Variants in PACRG observed in about 807,000 individuals in gnomAD.
The protein encoded by PACRG is parkin coregulated gene protein.
Under a neutral mutation model 29.7 loss-of-function variants are expected in PACRG, and 29 were observed. The observed-to-expected ratio is 0.98, with a 90% CI of 0.73 to 1.33. PACRG has a LOEUF of 1.33. Among genes scored for constraint, PACRG ranks in the 40% most tolerant of loss-of-function variants. PACRG has a pLI of 0.00. For missense variants in PACRG, 279 were observed against 316.2 expected (o/e 0.88, Z 0.89); for synonymous variants, 116 against 118.7 (o/e 0.98, Z 0.15).
intron 2 of PACRG, among the ~76,000 whole-genome samples, chr6:163,017,916 G>A (rs1310311378): frequency 2.0e-5 from 3 of 151,806 alleles, no homozygotes; most frequent in Non-Finnish European, 2.9e-5. Context: ...ACTGTATTTA[G>A]TGTATGAGTA....
At chr6:163,194,236 T>C (rs976931799) in intron 4 of PACRG, among the ~76,000 whole-genome samples, 1 of 152,152 alleles carries the variant, frequency 6.6e-6, no homozygotes, top group African/African-American at 2.4e-5. Context: ...GACTCAGTGC[T>C]CCTTTCTACA....
At chr6:162,875,129 G>A (rs1793198269) in intron 2 of PACRG, among the ~76,000 whole-genome samples, 1 of 151,578 alleles carries the variant, frequency 6.6e-6, no homozygotes, top group Admixed American at 6.6e-5. Context: ...ACATAGTCAT[G>A]CACATTCACA....
At chr6:163,143,837 G>C (rs2128335430) in intron 4 of PACRG, among the ~76,000 whole-genome samples, 1 of 152,232 alleles carries the variant, frequency 6.6e-6, no homozygotes, top group East Asian at 1.9e-4. Context: ...TCCTGAGAGG[G>C]GACGGGGAGG....
chr6:163,286,757 C>T (rs577427407), intron 4 of PACRG, among the ~76,000 whole-genome samples: 2 of 152,132 alleles, frequency 1.3e-5, no homozygotes, highest in Non-Finnish European at 2.9e-5. Context: ...GAAAACTTTC[C>T]GCAACAGGTC....
At chr6:163,241,830 C>T (rs1218995676) in intron 4 of PACRG, among the ~76,000 whole-genome samples, 1 of 152,114 alleles carries the variant, frequency 6.6e-6, no homozygotes, top group South Asian at 2.1e-4. Context: ...AAAGGGGGGG[C>T]ACGGGCTGGG....
chr6:162,782,204 A>G (rs1196755818), intron 1 of PACRG, among the ~76,000 whole-genome samples: 2 of 151,974 alleles, frequency 1.3e-5, no homozygotes, highest in African/African-American at 4.8e-5. Flanking sequence ...CAGTTTATCA[A>G]GAAGATGTAA....
chr6:163,133,370 G>A (rs1350733673), intron 4 of PACRG, among the ~76,000 whole-genome samples: 1 of 152,156 alleles, frequency 6.6e-6, no homozygotes, highest in Non-Finnish European at 1.5e-5. Flanking sequence ...CTGCATCAAG[G>A]AGAAATGTGT....
At chr6:162,968,201 A>T (rs1209506094) in intron 2 of PACRG, among the ~76,000 whole-genome samples, 2 of 152,298 alleles carry the variant, frequency 1.3e-5, no homozygotes, top group African/African-American at 4.8e-5. Flanking sequence ...AGAACACCAA[A>T]TAAATTGGGT....
At chr6:163,138,859 CT>C (rs1215748409) in intron 4 of PACRG, among the ~76,000 whole-genome samples, 1 of 152,196 alleles carries the variant, frequency 6.6e-6, no homozygotes, top group Admixed American at 6.5e-5. Flanking sequence ...ACTTGGGTAA[CT>C]GTCAGAGTTT....
At chr6:162,814,327 G>A in intron 2 of PACRG, 46 bp downstream of exon 2, 1 of 1,604,850 alleles carries the variant, frequency 6.2e-7, no homozygotes, top group Non-Finnish European at 8.5e-7. Context: ...CCGCTGAAGT[G>A]ACATCTCCCA....
chr6:162,806,081 T>C (rs897149663), intron 1 of PACRG, among the ~76,000 whole-genome samples: 1 of 152,078 alleles, frequency 6.6e-6, no homozygotes, highest in Non-Finnish European at 1.5e-5. Context: ...CTATGGCAGC[T>C]AGAGCCTTAC....
chr6:163,278,878 G>A (rs1403363846), intron 4 of PACRG, among the ~76,000 whole-genome samples: 1 of 152,050 alleles, frequency 6.6e-6, no homozygotes, highest in Non-Finnish European at 1.5e-5. Flanking sequence ...AAGAATGATG[G>A]TGGTATTTTG....
intron 1 of PACRG, among the ~76,000 whole-genome samples, chr6:162,765,734 A>G (rs780633631): frequency 6.6e-6 from 1 of 152,200 alleles, no homozygotes. Context: ...ATAAACATGT[A>G]TAACTATTTA....
intron 4 of PACRG, among the ~76,000 whole-genome samples, chr6:163,207,934 T>C (rs1329820166): frequency 6.6e-6 from 1 of 152,214 alleles, no homozygotes; most frequent in African/African-American, 2.4e-5. Context: ...AATCTGTGGA[T>C]ACCATATGGA....
chr6:163,136,912 C>T (rs1340433244), intron 4 of PACRG, among the ~76,000 whole-genome samples: 2 of 152,166 alleles, frequency 1.3e-5, no homozygotes, highest in Admixed American at 6.5e-5. Flanking sequence ...GCGTTAACAA[C>T]ATAGAAAGAT....
chr6:162,952,350 A>T (rs1450160539), intron 2 of PACRG, among the ~76,000 whole-genome samples: 1 of 152,184 alleles, frequency 6.6e-6, no homozygotes, highest in Non-Finnish European at 1.5e-5. Flanking sequence ...CCCTTGTTGT[A>T]TATAGATTAC....
chr6:162,787,040 A>G (rs1445426080), intron 1 of PACRG, among the ~76,000 whole-genome samples: 4 of 152,174 alleles, frequency 2.6e-5, no homozygotes, highest in South Asian at 4.1e-4. Context: ...GCCATGAGTA[A>G]TAGTTTATAC....
At chr6:163,306,497 T>A (rs1382414505) in intron 4 of PACRG, among the ~76,000 whole-genome samples, 1 of 152,208 alleles carries the variant, frequency 6.6e-6, no homozygotes, top group African/African-American at 2.4e-5. Flanking sequence ...TTTGTAGTCT[T>A]GACCAAATCA....
chr6:163,232,288 G>A (rs570658132), intron 4 of PACRG, among the ~76,000 whole-genome samples: 3 of 152,250 alleles, frequency 2.0e-5, no homozygotes, highest in African/African-American at 7.2e-5. Context: ...GCCGTGTCCC[G>A]CTGGGGCCTG....
Sources: gnomAD v4.1 joint callset for allele counts (sites outside exome capture counted in the v4.1 genomes callset) on GRCh38, gnomAD v4.1.1 for gene constraint, MANE v1.5 for transcripts, NCBI Gene and HGNC (gene_info 2026-07-23, HGNC 2026-07-21) for gene names.